The following STX18 variants were observed in gnomAD, a reference collection of about 807,000 sequenced individuals.
STX18 encodes the protein syntaxin 18.
Under a neutral mutation model 50.1 loss-of-function variants are expected in STX18, and 40 were observed. The observed-to-expected ratio is 0.80, with a 90% CI of 0.62 to 1.04. The LOEUF is 1.04. STX18 is among the 50% of genes least tolerant of loss of function. The pLI, the probability that STX18 is intolerant of heterozygous loss-of-function variation, is 0.00. For missense variants in STX18, 410 were observed against 415.8 expected, an observed-to-expected ratio of 0.99 and a Z score of 0.12; for synonymous variants, 158 against 151.8, an observed-to-expected ratio of 1.04 and a Z score of -0.30.
At chr4:4,482,872 A>G (rs1728527907) in intron 1 of STX18, among the ~76,000 whole-genome samples, 2 of 152,242 alleles carry the variant, frequency 1.3e-5, no homozygotes, top group South Asian at 4.1e-4. Flanking sequence ...CAGTCTGGAA[A>G]TCTTACCAGA....
chr4:4,475,037 T>A (rs1728107527), intron 1 of STX18, among the ~76,000 whole-genome samples: 1 of 152,170 alleles, frequency 6.6e-6, no homozygotes, highest in South Asian at 2.1e-4. Flanking sequence ...TGCAGAGGAA[T>A]CTACTGTACA....
At chr4:4,464,981 G>T (rs1296547400) in intron 2 of STX18, among the ~76,000 whole-genome samples, 1 of 151,552 alleles carries the variant, frequency 6.6e-6, no homozygotes, top group Non-Finnish European at 1.5e-5. Context: ...CTAGCTTTGG[G>T]GTTTGTTTGC....
intron 1 of STX18, among the ~76,000 whole-genome samples, chr4:4,489,862 T>G (rs1287293077): frequency 6.6e-6 from 1 of 152,226 alleles, no homozygotes. Context: ...ATTATATCTT[T>G]TCATTCTACA....
At position 4,500,267 on chromosome 4, in the gene STX18, A is replaced by T. The variant is rs149794420; in HGVS notation, c.169-28561T>A. Among the ~76,000 whole-genome samples the T allele has an allele frequency of 2.1e-3, 325 of 152,334 alleles. 6 individuals carry two copies. The highest frequency in any genetic ancestry group is 0.011 in the East Asian group (59 of 5,188). On this transcript the variant is annotated intron_variant, in intron 1 of 10. Transcript: ENST00000306200. Reference sequence around the variant, plus strand: ...TATGCTTTTCCATTTTATGCACATAACTTGACCCTGTGTATCCATGGGTTC... The same window carrying T: ...TATGCTTTTCCATTTTATGCACATATCTTGACCCTGTGTATCCATGGGTTC...
chr4:4,425,077 T>A (rs1725178616), intron 8 of STX18, 87 bp downstream of exon 8: 1 of 1,270,192 alleles, frequency 7.9e-7, no homozygotes, highest in Non-Finnish European at 1.1e-6. Flanking sequence ...CCCATGGGGA[T>A]GCCTGGGCAC....
intron 2 of STX18, among the ~76,000 whole-genome samples, chr4:4,470,088 G>T (rs1188888391): frequency 6.6e-6 from 1 of 152,218 alleles, no homozygotes; most frequent in African/African-American, 2.4e-5. Flanking sequence ...CATGAGGGCA[G>T]GAATATTTGT....
chr4:4,429,016 A>G (rs1192487422), intron 7 of STX18, among the ~76,000 whole-genome samples: 5 of 152,150 alleles, frequency 3.3e-5, no homozygotes, highest in Admixed American at 6.5e-5. Flanking sequence ...TCTCCTACCA[A>G]AACACAATGC....
At chr4:4,456,751 A>G (rs1727098840) in intron 5 of STX18, among the ~76,000 whole-genome samples, 1 of 152,196 alleles carries the variant, frequency 6.6e-6, no homozygotes, top group Non-Finnish European at 1.5e-5. Flanking sequence ...TCAGGAATAC[A>G]CTTTCAGGGA....
chr4:4,503,546 A>AAT (rs1423933015), intron 1 of STX18, among the ~76,000 whole-genome samples: 1 of 152,152 alleles, frequency 6.6e-6, no homozygotes, highest in African/African-American at 2.4e-5. Context: ...GCACAGAACT[A>AAT]TGATAAAATG....
chr4:4,423,807 G>A, intron 8 of STX18: 2 of 573,018 alleles, frequency 3.5e-6, no homozygotes, highest in South Asian at 2.1e-5. Flanking sequence ...TGGTCTTTTT[G>A]GAAGTCCACT....
At chr4:4,483,785 C>A (rs73796022) in intron 1 of STX18, among the ~76,000 whole-genome samples, 2,515 of 152,282 alleles carry the variant, frequency 0.017, 74 homozygotes, top group African/African-American at 0.058. Flanking sequence ...TACTCTGAAT[C>A]GAGGTCAGCT....
intron 1 of STX18, among the ~76,000 whole-genome samples, chr4:4,539,781 G>A (rs1427730310): frequency 6.6e-6 from 1 of 150,410 alleles, no homozygotes; most frequent in Non-Finnish European, 1.5e-5. Context: ...TACTGTCCCT[G>A]AGGCCCATTA....
intron 5 of STX18, among the ~76,000 whole-genome samples, chr4:4,455,395 T>C (rs1727013373): frequency 6.6e-6 from 1 of 152,248 alleles, no homozygotes; most frequent in Non-Finnish European, 1.5e-5. Flanking sequence ...CAAATGCTTC[T>C]ATTTGTTGGC....
At chr4:4,423,455 G>C in intron 9 of STX18, 63 bp downstream of exon 9, 1 of 1,514,408 alleles carries the variant, frequency 6.6e-7, no homozygotes, top group Non-Finnish European at 9.1e-7. Flanking sequence ...AAAATGTCTC[G>C]TGCTCTCAAG....
At chr4:4,526,776 C>G (rs934964688) in intron 1 of STX18, among the ~76,000 whole-genome samples, 2 of 151,340 alleles carry the variant, frequency 1.3e-5, no homozygotes, top group Non-Finnish European at 2.9e-5. Flanking sequence ...TGAGGTCAGC[C>G]TGGGCAACAT....
intron 5 of STX18, among the ~76,000 whole-genome samples, chr4:4,453,307 T>C (rs1365164933): frequency 2.6e-5 from 4 of 152,144 alleles, no homozygotes; most frequent in Non-Finnish European, 5.9e-5. Flanking sequence ...AACTTCATTG[T>C]TGTCTTATTT....
At chr4:4,496,796 T>C (rs1437542206) in intron 1 of STX18, among the ~76,000 whole-genome samples, 2 of 152,200 alleles carry the variant, frequency 1.3e-5, no homozygotes, top group Admixed American at 6.5e-5. Flanking sequence ...TATGGTGTCA[T>C]GCAGGAGACT....
At chr4:4,476,212 C>T (rs1290712205) in intron 1 of STX18, 1 of 152,138 alleles carries the variant, frequency 6.6e-6, no homozygotes, top group African/African-American at 2.4e-5. Flanking sequence ...AATATGTCTC[C>T]ATCAGAGAGG....
At chr4:4,498,597 T>A (rs1463546334) in intron 1 of STX18, among the ~76,000 whole-genome samples, 2 of 152,160 alleles carry the variant, frequency 1.3e-5, no homozygotes, top group Non-Finnish European at 2.9e-5. Context: ...TCATTATCTC[T>A]CCAAGGAGAA....
Sources: allele counts gnomAD v4.1 joint callset (sites outside exome capture counted in the v4.1 genomes callset), GRCh38; gene constraint gnomAD v4.1.1; transcripts MANE v1.5; gene names NCBI Gene and HGNC (gene_info 2026-07-23, HGNC 2026-07-21).